The following PLEKHB2 variants were observed in gnomAD, a reference collection of about 807,000 sequenced individuals.
PLEKHB2 encodes pleckstrin homology domain containing B2.
Under a neutral mutation model 36.5 loss-of-function variants are expected in PLEKHB2, and 31 were observed. That is an observed-to-expected ratio of 0.85 (90% CI 0.64 to 1.15). PLEKHB2 has a LOEUF of 1.15. Among genes scored for constraint, PLEKHB2 ranks in the 50% most tolerant of loss-of-function variants. The pLI is 0.00. For missense variants in PLEKHB2, 262 were observed against 295.3 expected, an observed-to-expected ratio of 0.89 and a Z score of 0.83; for synonymous variants, 119 against 112.0, an observed-to-expected ratio of 1.06 and a Z score of -0.39.
In PLEKHB2 at chr2:131,117,375, G is replaced by A. The variant is rs116738307; in HGVS notation, c.-8-3559G>A. Among the ~76,000 whole-genome samples, 298 of 152,162 alleles carry A rather than the reference G, an allele frequency of 2.0e-3. 1 individual carries two copies. The highest frequency in any genetic ancestry group is 6.1e-3 in the African/African-American group (254 of 41,510). ...CTGGGAGGTGGAGGCTGCAGCGAGC[G>A]GAGATCATTGCACTCCAGCCTGGGC... is the stretch of plus-strand genomic sequence containing the variant. On this transcript the variant is annotated intron_variant, in intron 1 of 7. Transcript: ENST00000693505.
At chr2:131,130,873 C>T (rs1451973631) in intron 5 of PLEKHB2, 113 bp downstream of exon 5, 14 of 735,968 alleles carry the variant, frequency 1.9e-5, no homozygotes, top group South Asian at 1.3e-4. Context: ...CTCTACCTCT[C>T]GGGCTCAAGT....
intron 1 of PLEKHB2, among the ~76,000 whole-genome samples, chr2:131,112,422 A>G (rs1230557989): frequency 6.6e-6 from 1 of 152,232 alleles, no homozygotes; most frequent in East Asian, 1.9e-4. Flanking sequence ...GAGCTGCTCT[A>G]GCAAATTAAT....
chr2:131,129,810 T>C (rs1444338628), intron 4 of PLEKHB2, among the ~76,000 whole-genome samples: 2 of 152,186 alleles, frequency 1.3e-5, no homozygotes, highest in African/African-American at 4.8e-5. Context: ...GCCTATGAAT[T>C]AAGAAAGCTC....
chr2:131,142,306 A>G (rs1244366695), intron 7 of PLEKHB2, among the ~76,000 whole-genome samples: 2 of 152,372 alleles, frequency 1.3e-5, no homozygotes, highest in African/African-American at 4.8e-5. Flanking sequence ...TACTTCCTCC[A>G]TATAAAATAT....
rs1363849324 is a variant in PLEKHB2, at chr2:131,148,482, T to G, written c.*1709T>G. 2 of 152,208 alleles carry G rather than the reference T, an allele frequency of 1.3e-5. No homozygotes were observed. Among genetic ancestry groups the G allele is most frequent in the Non-Finnish European group, 2.9e-5 (2 of 68,042 alleles). The allele number at this position is 152,208 out of a possible 1,614,324, so 9.4% of individuals were successfully genotyped here. ...GCGAATGTCCCTGCCCCACACTCCA[T>G]ATGGTCCTGTTTTCCTGAAAATACA... On this transcript the variant is annotated 3_prime_UTR_variant, in exon 8 of 8. Coordinates refer to ENST00000693505, the MANE Select transcript of PLEKHB2 (RefSeq NM_001100623.2).
intron 1 of PLEKHB2, among the ~76,000 whole-genome samples, chr2:131,114,712 T>A (rs1695678050): frequency 6.6e-6 from 1 of 152,154 alleles, no homozygotes; most frequent in African/African-American, 2.4e-5. Flanking sequence ...ATAACAATAG[T>A]GACCTTTACT....
In PLEKHB2 at chr2:131,120,929, T is replaced by C. The variant is rs777225463; in HGVS notation, c.-8-5T>C. On this transcript the variant is annotated splice_polypyrimidine_tract_variant and splice_region_variant and intron_variant, in intron 1 of 7. Coordinates refer to ENST00000693505, the MANE Select transcript of PLEKHB2 (RefSeq NM_001100623.2). ...ATTTTGAACCTGCCTGTTTTTGTTC[T>C]GTAGGTGAAGAGATGGCGTTTGTGA... 1.2e-6 allele frequency: 2 copies of C among 1,614,146 alleles called. No individual in the cohort carries two copies. The highest frequency in any genetic ancestry group is 2.2e-5 in the East Asian group (1 of 44,884).
chr2:131,149,132 G>A lies in PLEKHB2; in HGVS notation c.*2359G>A, dbSNP rs1451634042. Reference sequence around the variant, plus strand: ...CATTAGGCAGCCATAGATAAGCCTGGAACTTGGCTGTCATTAGTGACTTGA... The same window carrying A: ...CATTAGGCAGCCATAGATAAGCCTGAAACTTGGCTGTCATTAGTGACTTGA... On this transcript the variant is annotated 3_prime_UTR_variant, in exon 8 of 8. Coordinates refer to ENST00000693505, the MANE Select transcript of PLEKHB2 (RefSeq NM_001100623.2). The A allele has an allele frequency of 1.3e-5, 2 of 152,170 alleles. No homozygotes were observed. The highest frequency in any genetic ancestry group is 2.4e-5 in the African/African-American group (1 of 41,430). 9.4% of individuals were successfully genotyped at this position (152,170 alleles called of 1,614,324 possible).
chr2:131,146,576 T>C (rs568966956), intron 7 of PLEKHB2, 61 bp from the exon 8 acceptor site: 6 of 1,534,844 alleles, frequency 3.9e-6, no homozygotes, highest in Admixed American at 3.7e-5. Context: ...ACTGGTACTT[T>C]GCGTGATGTT....
At chr2:131,127,129 G>A (rs1168848659) in intron 4 of PLEKHB2, 1 of 214,584 alleles carries the variant, frequency 4.7e-6, no homozygotes, top group African/African-American at 2.4e-5. Flanking sequence ...AGTTCCTAGG[G>A]CTGCTGTCAC....
intron 6 of PLEKHB2, among the ~76,000 whole-genome samples, chr2:131,133,937 T>C (rs905558920): frequency 6.7e-6 from 1 of 148,452 alleles, no homozygotes; most frequent in African/African-American, 2.5e-5. Context: ...TCTTGCTCTA[T>C]CGCCCAGGCT....
intron 7 of PLEKHB2, among the ~76,000 whole-genome samples, chr2:131,145,128 C>T (rs1699153476): frequency 6.6e-6 from 1 of 152,074 alleles, no homozygotes; most frequent in Admixed American, 6.6e-5. Flanking sequence ...AGCCAGAGTG[C>T]CTGGGTTTGT....
chr2:131,124,540 A>G (rs1022500545), intron 2 of PLEKHB2, among the ~76,000 whole-genome samples: 3 of 152,174 alleles, frequency 2.0e-5, no homozygotes, highest in Admixed American at 2.0e-4. Context: ...TTTATATACC[A>G]CGTTAAATAC....
intron 6 of PLEKHB2, among the ~76,000 whole-genome samples, chr2:131,135,431 A>G (rs575718784): frequency 7.2e-4 from 109 of 152,322 alleles, no homozygotes; most frequent in African/African-American, 2.5e-3. Flanking sequence ...TTTGGGATAT[A>G]CTACATAGGC....
chr2:131,146,968 G>A lies in PLEKHB2; in HGVS notation c.*195G>A, dbSNP rs979231981. The A allele has an allele frequency of 4.5e-6, 2 of 447,314 alleles. No homozygotes were observed. The highest frequency in any genetic ancestry group is 7.7e-6 in the Non-Finnish European group (2 of 259,136). The allele number at this position is 447,314 out of a possible 1,614,324, so 27.7% of individuals were successfully genotyped here. On this transcript the variant is annotated 3_prime_UTR_variant, in exon 8 of 8. Transcript: ENST00000693505. Reference sequence around the variant, plus strand: ...TTGAACTGTGCTATTTTGTTCAAATGTTGACTCTCCGGGGGCACTGGCTCA... The same window carrying A: ...TTGAACTGTGCTATTTTGTTCAAATATTGACTCTCCGGGGGCACTGGCTCA...
intron 3 of PLEKHB2, 113 bp downstream of exon 3, chr2:131,126,018 C>A: frequency 9.3e-7 from 1 of 1,078,824 alleles, no homozygotes; most frequent in Non-Finnish European, 1.3e-6. Context: ...AAGAAGGGCT[C>A]CATCTCAGAG....
intron 1 of PLEKHB2, among the ~76,000 whole-genome samples, chr2:131,106,418 C>A (rs1476075131): frequency 6.6e-6 from 1 of 152,120 alleles, no homozygotes; most frequent in Admixed American, 6.6e-5. Flanking sequence ...TGTCCGAAGT[C>A]ACATGAGGAA....
chr2:131,129,597 C>T (rs574968618), intron 4 of PLEKHB2, among the ~76,000 whole-genome samples: 6 of 152,186 alleles, frequency 3.9e-5, no homozygotes, highest in Admixed American at 2.6e-4. Context: ...CTCTGCCTCC[C>T]GGGTTCAAGC....
intron 2 of PLEKHB2, among the ~76,000 whole-genome samples, chr2:131,121,923 A>T (rs936421347): frequency 2.6e-5 from 4 of 151,666 alleles, no homozygotes; most frequent in East Asian, 1.9e-4. Context: ...TTATTTATTT[A>T]TTTTTTGAGA....
Sources: allele counts gnomAD v4.1 joint callset (sites outside exome capture counted in the v4.1 genomes callset), GRCh38; gene constraint gnomAD v4.1.1; transcripts MANE v1.5; gene names NCBI Gene and HGNC (gene_info 2026-07-23, HGNC 2026-07-21).